The following CACNA1H variants were observed in gnomAD, a reference collection of about 807,000 sequenced individuals.
CACNA1H encodes the protein calcium voltage-gated channel subunit alpha1 H.
In CACNA1H, 149 loss-of-function variants were observed where a neutral mutation model predicts 192.5. The observed-to-expected ratio is 0.77, with a 90% CI of 0.68 to 0.89. The LOEUF is 0.89. Ranked by LOEUF, CACNA1H falls within the 40% of genes least tolerant of loss-of-function variation. CACNA1H has a pLI of 0.00. For missense variants in CACNA1H, 4,257 were observed against 3,423.5 expected, an observed-to-expected ratio of 1.24 and a Z score of -6.08; for synonymous variants, 2,202 against 1,475.2, an observed-to-expected ratio of 1.49 and a Z score of -11.29.
intron 2 of CACNA1H, among the ~76,000 whole-genome samples, chr16:1,187,873 C>T (rs1227747401): frequency 2.6e-5 from 4 of 152,176 alleles, no homozygotes; most frequent in African/African-American, 4.8e-5. Flanking sequence ...CGCCTCCGTC[C>T]CTCTGTAGAA....
At chr16:1,185,343 T>A (rs1965880330) in intron 2 of CACNA1H, among the ~76,000 whole-genome samples, 1 of 152,138 alleles carries the variant, frequency 6.6e-6, no homozygotes, top group South Asian at 2.1e-4. Flanking sequence ...AGTGCCCGTT[T>A]CCTTTGTCCC....
At chr16:1,174,936 GTCCACCCCCCCACCCCCCACC>G (rs1166095402) in intron 2 of CACNA1H, among the ~76,000 whole-genome samples, 2 of 22,718 alleles carry the variant, frequency 8.8e-5, no homozygotes, top group African/African-American at 3.5e-4. Context: ...CAACCCCCAC[GTCCACCCCCCCACCCCCCACC>G]TCCACCCCCA....
Position 1,153,999 on chromosome 16 carries a change from C to G in CACNA1H, c.262C>G (p.Arg88Gly). The change falls in exon 2 of 35, where the codon CGG becomes GGG. Residue 88 changes from arginine to glycine, a missense_variant. Arg to Gly is a moderately radical substitution (Grantham distance 125). Coordinates refer to ENST00000348261, the MANE Select transcript of CACNA1H (RefSeq NM_021098.3). ...CTTCTTCTGCCTCGGTCAGACCACG[C>G]GGCCGCGCAGCTGGTGCCTCCGGCT... The part of the protein sequence containing the change: ...TVFFCLGQTT[R>G]PRSWCLRLVC... 1.4e-6 allele frequency: 2 copies of G among 1,421,866 alleles called. No homozygotes were observed. The allele number at this position is 1,421,866 out of a possible 1,614,324, so 88.1% of individuals were successfully genotyped here.
chr16:1,207,088 C>A lies in CACNA1H; in HGVS notation c.2877C>A (p.Ser959=), dbSNP rs200038089. ...DTVPDRKNFD[S]LLWAIVTVFQ... is the part of the protein sequence containing the mutation. Reference sequence around the variant, plus strand: ...TGCCTGACAGGAAGAACTTCGACTCCCTGCTGTGGGCCATCGTCACCGTGT... The same window carrying A: ...TGCCTGACAGGAAGAACTTCGACTCACTGCTGTGGGCCATCGTCACCGTGT... The change falls in exon 13 of 35, where the codon TCC becomes TCA. Residue 959 remains serine, a synonymous_variant. Transcript: ENST00000348261. The A allele has an allele frequency of 3.8e-6, 6 of 1,599,860 alleles. No homozygotes were observed. In the South Asian group the frequency reaches 6.8e-5, roughly 18 times the overall value.
intron 14 of CACNA1H, 63 bp from the exon 15 acceptor site, chr16:1,207,707 C>G: frequency 7.1e-7 from 1 of 1,415,488 alleles, no homozygotes; most frequent in Non-Finnish European, 9.8e-7. Context: ...AGACTTCTGT[C>G]CGGCATGAAG....
intron 2 of CACNA1H, among the ~76,000 whole-genome samples, chr16:1,188,600 C>T (rs1005118953): frequency 6.6e-6 from 1 of 152,262 alleles, no homozygotes; most frequent in African/African-American, 2.4e-5. Context: ...CAGTCAGTGG[C>T]TCTGGGGCTG....
At chr16:1,206,604 C>T (rs561003764) in intron 12 of CACNA1H, 30 of 451,258 alleles carry the variant, frequency 6.6e-5, no homozygotes, top group South Asian at 1.1e-4. Context: ...GTGTTCTGAG[C>T]GCCTGCTGTG....
At chr16:1,191,606 T>G in intron 2 of CACNA1H, among the ~76,000 whole-genome samples, 1 of 22,768 alleles carries the variant, frequency 4.4e-5, no homozygotes, top group Non-Finnish European at 9.3e-5. Context: ...CACTCGGGGT[T>G]TCGGTGACCC....
chr16:1,175,292 T>TG (rs1964769146), intron 2 of CACNA1H, among the ~76,000 whole-genome samples: 1 of 152,152 alleles, frequency 6.6e-6, no homozygotes, highest in African/African-American at 2.4e-5. Flanking sequence ...CTCCTGCATG[T>TG]GGGGTCCCCT....
chr16:1,157,732 C>G (rs183052516), intron 2 of CACNA1H: 1 of 152,324 alleles, frequency 6.6e-6, no homozygotes, highest in African/African-American at 2.4e-5. Context: ...CCTCAGTGGT[C>G]GGAAGTCACA....
Position 1,164,125 on chromosome 16 carries a change from A to G in CACNA1H, c.299+10089A>G, listed in dbSNP as rs561149554. On this transcript the variant is annotated intron_variant, in intron 2 of 34. Coordinates refer to ENST00000348261, the MANE Select transcript of CACNA1H (RefSeq NM_021098.3). ...TGCCTCTCCCAGAAGCCACAGAAGC[A>G]AGGGCCCTGGGCCTGAGTCCCTGAC... Among the ~76,000 whole-genome samples the G allele has an allele frequency of 4.9e-3, 753 of 152,320 alleles. 6 individuals carry two copies. The highest frequency in any genetic ancestry group is 9.4e-3 in the Non-Finnish European group (641 of 68,026).
intron 16 of CACNA1H, 141 bp from the exon 17 acceptor site, chr16:1,208,891 T>G (rs541219359): frequency 1.1e-6 from 1 of 923,966 alleles, no homozygotes. Flanking sequence ...CCCCCTAAAA[T>G]CACAGCCTCC....
intron 2 of CACNA1H, among the ~76,000 whole-genome samples, chr16:1,190,749 C>T (rs1013373624): frequency 6.6e-6 from 1 of 150,404 alleles, no homozygotes; most frequent in Non-Finnish European, 1.5e-5. Context: ...GATTGTGGGG[C>T]TAATTTTGGG....
chr16:1,211,014 A>C lies in CACNA1H; in HGVS notation c.4223+43A>C, dbSNP rs746070400. 5.1e-6 allele frequency: 8 copies of C among 1,576,300 alleles called. No individual in the cohort carries two copies. In the Admixed American group the frequency reaches 1.2e-4, roughly 23 times the overall value. ...GGCTCCCGGGGCAACCTGGAAGCACAGTCCCCTGACGCCACTGCCCATTAC... is the reference window on the plus strand; with the variant it reads ...GGCTCCCGGGGCAACCTGGAAGCACCGTCCCCTGACGCCACTGCCCATTAC... On this transcript the variant is annotated intron_variant, in intron 21 of 34. Transcript: ENST00000348261.
At chr16:1,158,620 C>G (rs184947220) in intron 2 of CACNA1H, among the ~76,000 whole-genome samples, 3 of 152,224 alleles carry the variant, frequency 2.0e-5, no homozygotes, top group Non-Finnish European at 2.9e-5. Flanking sequence ...ACTCGGGACT[C>G]AGGCCCCGCT....
intron 2 of CACNA1H, among the ~76,000 whole-genome samples, chr16:1,165,146 G>T (rs1300766214): frequency 6.6e-6 from 1 of 152,158 alleles, no homozygotes; most frequent in Admixed American, 6.5e-5. Flanking sequence ...AGTGGGTGGG[G>T]GTGCGGCAGG....
rs765109272 is a variant in CACNA1H, at chr16:1,215,484, G to A, written c.5174-39G>A. On this transcript the variant is annotated intron_variant, in intron 29 of 34. Transcript: ENST00000348261. ...CCAGGGTCCCCGCGCAGCAGGGAGGGTCCGCCCAGCCCTGCTGACGCTCAG... is the reference window on the plus strand; with the variant it reads ...CCAGGGTCCCCGCGCAGCAGGGAGGATCCGCCCAGCCCTGCTGACGCTCAG... 6 of 1,602,558 alleles carry A rather than the reference G, an allele frequency of 3.7e-6. No individual in the cohort carries two copies. The East Asian group carries it at 1.1e-4, about 30-fold the overall frequency.
chr16:1,154,549 C>G (rs888770074), intron 2 of CACNA1H, among the ~76,000 whole-genome samples: 1 of 152,034 alleles, frequency 6.6e-6, no homozygotes, highest in Admixed American at 6.5e-5. Flanking sequence ...CCTGTGAGCG[C>G]CGCCAGGGCC....
intron 2 of CACNA1H, among the ~76,000 whole-genome samples, chr16:1,193,016 A>G (rs997875789): frequency 2.0e-5 from 3 of 152,148 alleles, no homozygotes; most frequent in Non-Finnish European, 4.4e-5. Context: ...CCCTGTGCCC[A>G]GGGAGAGGCA....
Sources: gnomAD v4.1 joint callset for allele counts (sites outside exome capture counted in the v4.1 genomes callset) on GRCh38, gnomAD v4.1.1 for gene constraint, MANE v1.5 for transcripts, NCBI Gene and HGNC (gene_info 2026-07-23, HGNC 2026-07-21) for gene names.